Variants in DPP6 observed in about 807,000 individuals in gnomAD.
DPP6 encodes dipeptidyl peptidase like 6, also known as A-type potassium channel modulatory protein DPP6.
A neutral mutation model predicts 122.6 loss-of-function variants in DPP6; 69 were observed. That is an observed-to-expected ratio of 0.56 (90% CI 0.46 to 0.69). DPP6 has a LOEUF of 0.69. Ranked by LOEUF, DPP6 falls within the 30% of genes least tolerant of loss-of-function variation. The probability of loss-of-function intolerance (pLI) is 0.00; values close to 1 mark genes in which losing one functional copy is unlikely to be tolerated. For missense variants in DPP6, 928 were observed against 1,116.9 expected, an observed-to-expected ratio of 0.83 and a Z score of 2.41; for synonymous variants, 418 against 433.1, an observed-to-expected ratio of 0.97 and a Z score of 0.43.
Position 154,821,654 on chromosome 7 carries a change from A to G in DPP6, c.1666+14542A>G, listed in dbSNP as rs1009694217. 4.8e-5 allele frequency among the ~76,000 whole-genome samples: 1 copy of G among 20,698 alleles called. No individual in the cohort carries two copies. Among genetic ancestry groups the G allele is most frequent in the Non-Finnish European group, 1.5e-4 (1 of 6,590 alleles). The allele number at this position is 20,698 out of a possible 152,430, so 13.6% of individuals were successfully genotyped here. ...TATATATATATATATATACACATAT[A>G]TATATATATACACATATATATATAC... On this transcript the variant is annotated intron_variant, in intron 16 of 25. Coordinates refer to ENST00000377770, the MANE Select transcript of DPP6 (RefSeq NM_130797.4). The surrounding 1 kb of genome is among the most constrained non-coding windows in gnomAD (Gnocchi z 4.2).
intron 1 of DPP6, among the ~76,000 whole-genome samples, chr7:153,949,450 T>C (rs983278106): frequency 1.3e-5 from 2 of 152,236 alleles, no homozygotes; most frequent in Admixed American, 1.3e-4. Context: ...CTGGCACTGC[T>C]TTCAGAGGCT....
At chr7:154,402,609 GA>G (rs1158260957) in intron 1 of DPP6, among the ~76,000 whole-genome samples, 2 of 134,120 alleles carry the variant, frequency 1.5e-5, no homozygotes, top group Admixed American at 7.5e-5. Flanking sequence ...GGGTTGGGGG[GA>G]GGGGGGAGGG....
At chr7:154,834,315 A>AAAAAG (rs1412093702) in intron 16 of DPP6, among the ~76,000 whole-genome samples, 1 of 151,408 alleles carries the variant, frequency 6.6e-6, no homozygotes, top group Non-Finnish European at 1.5e-5. Flanking sequence ...TAAATACAAA[A>AAAAAG]AAAAAAAAAA....
chr7:153,840,863 T>C, the DPP6 span, among the ~76,000 whole-genome samples: 2 of 152,352 alleles, frequency 1.3e-5, no homozygotes, highest in East Asian at 3.9e-4. Flanking sequence ...ACCCCGGTCC[T>C]TACTTAATAT....
At chr7:154,494,220 G>T (rs964208554) in intron 3 of DPP6, among the ~76,000 whole-genome samples, 1 of 151,982 alleles carries the variant, frequency 6.6e-6, no homozygotes, top group African/African-American at 2.4e-5. Flanking sequence ...GCCAAGCCTG[G>T]TGGTGGACAC....
chr7:153,934,078 G>C (rs1801308385), intron 1 of DPP6, among the ~76,000 whole-genome samples: 1 of 152,232 alleles, frequency 6.6e-6, no homozygotes, highest in South Asian at 2.1e-4. Context: ...GGACAGCCCT[G>C]CTGTAGGGTG....
chr7:154,372,466 G>A (rs567064987), intron 1 of DPP6, among the ~76,000 whole-genome samples: 6 of 152,276 alleles, frequency 3.9e-5, no homozygotes, highest in Non-Finnish European at 5.9e-5. Context: ...CTGGCCGTGC[G>A]TGGGCAGTCA....
intron 19 of DPP6, among the ~76,000 whole-genome samples, chr7:154,874,814 C>G (rs1210966311): frequency 2.0e-5 from 3 of 152,212 alleles, no homozygotes; most frequent in African/African-American, 7.2e-5. Flanking sequence ...GAGGGAAAAT[C>G]ACTTAAAAAC....
rs1797769371 is a variant in DPP6, at chr7:154,792,841, C to A, written c.1137-1238C>A. On this transcript the variant is annotated intron_variant, in intron 10 of 25. Coordinates refer to ENST00000377770, the MANE Select transcript of DPP6 (RefSeq NM_130797.4). The stretch of plus-strand genomic sequence containing the variant: ...CCCAGTCCTCAGGAACTCCCCATGA[C>A]CACAGTGGGCAGCTGCAGACCTCCC... Among the ~76,000 whole-genome samples, 3 of 152,236 alleles carry A rather than the reference C, an allele frequency of 2.0e-5. No individual in the cohort carries two copies. In the South Asian group the frequency reaches 6.2e-4, roughly 32 times the overall value.
At chr7:154,033,706 T>C (rs1430340680) in intron 1 of DPP6, among the ~76,000 whole-genome samples, 2 of 152,200 alleles carry the variant, frequency 1.3e-5, no homozygotes, top group African/African-American at 2.4e-5. Flanking sequence ...CCATGGTTGA[T>C]TAGTTTTCTA....
chr7:154,323,754 C>T lies in DPP6; in HGVS notation c.244-122460C>T, dbSNP rs1005336845. 2.0e-5 allele frequency among the ~76,000 whole-genome samples: 3 copies of T among 152,178 alleles called. No homozygotes were observed. The East Asian group carries it at 5.8e-4, about 29-fold the overall frequency. Reference sequence around the variant, plus strand: ...TCAGAACACTGGGACAAGGGGGAGCCATGCTGTTTCATAAACTTCCCATAG... The same window carrying T: ...TCAGAACACTGGGACAAGGGGGAGCTATGCTGTTTCATAAACTTCCCATAG... On this transcript the variant is annotated intron_variant, in intron 1 of 25. Transcript: ENST00000377770.
chr7:154,506,090 T>A (rs1825640989), intron 3 of DPP6, among the ~76,000 whole-genome samples: 1 of 152,152 alleles, frequency 6.6e-6, no homozygotes, highest in Non-Finnish European at 1.5e-5. Flanking sequence ...TGGAAGTCAT[T>A]GTTTAATTGC....
intron 1 of DPP6, among the ~76,000 whole-genome samples, chr7:154,124,676 A>G (rs1807746925): frequency 6.6e-6 from 1 of 152,256 alleles, no homozygotes; most frequent in Non-Finnish European, 1.5e-5. Context: ...GTATGATGGC[A>G]TCTATGCTTT....
chr7:153,965,939 A>G (rs953196336), intron 1 of DPP6, among the ~76,000 whole-genome samples: 5 of 151,712 alleles, frequency 3.3e-5, no homozygotes, highest in African/African-American at 7.3e-5. Flanking sequence ...TGATGACACA[A>G]ACTTGATGAT....
At chr7:154,223,671 G>A (rs1415885998) in intron 1 of DPP6, among the ~76,000 whole-genome samples, 1 of 149,384 alleles carries the variant, frequency 6.7e-6, no homozygotes, top group Non-Finnish European at 1.5e-5. Context: ...GGCGGGGGCA[G>A]ATGAGAGGAA....
intron 16 of DPP6, among the ~76,000 whole-genome samples, chr7:154,815,771 C>T (rs1799386108): frequency 6.6e-6 from 1 of 152,130 alleles, no homozygotes; most frequent in Non-Finnish European, 1.5e-5. Context: ...GCTCTGGGCT[C>T]TCACCCCCGC....
the DPP6 span, among the ~76,000 whole-genome samples, chr7:153,756,611 C>G: frequency 6.6e-6 from 1 of 152,142 alleles, no homozygotes; most frequent in African/African-American, 2.4e-5. Context: ...CATTGCTCTT[C>G]ATTCTGAAAA....
intron 1 of DPP6, among the ~76,000 whole-genome samples, chr7:153,957,528 C>T (rs1802516118): frequency 6.6e-6 from 1 of 152,150 alleles, no homozygotes; most frequent in South Asian, 2.1e-4. Flanking sequence ...GACTGTTTTT[C>T]ATATGAGATG....
At chr7:154,557,751 T>C (rs1830148609) in intron 4 of DPP6, among the ~76,000 whole-genome samples, 1 of 151,970 alleles carries the variant, frequency 6.6e-6, no homozygotes, top group African/African-American at 2.4e-5. Context: ...CCGTGGGCTT[T>C]CTGCGTGAAT....
Sources: allele counts gnomAD v4.1 joint callset (sites outside exome capture counted in the v4.1 genomes callset), GRCh38; gene constraint gnomAD v4.1.1; non-coding constraint Gnocchi (gnomAD v3.1); transcripts MANE v1.5; gene names NCBI Gene and HGNC (gene_info 2026-07-23, HGNC 2026-07-21).